SYT9: variants seen among roughly 807,000 people sequenced by gnomAD.
SYT9 encodes synaptotagmin-9.
In SYT9, 22 loss-of-function variants were observed where a neutral mutation model predicts 48.4. The observed-to-expected ratio is 0.45, with a 90% CI of 0.32 to 0.65. The LOEUF is 0.65. Ranked by LOEUF, SYT9 falls within the 30% of genes least tolerant of loss-of-function variation. SYT9 has a pLI of 0.03. For missense variants in SYT9, 577 were observed against 622.0 expected, an observed-to-expected ratio of 0.93 and a Z score of 0.77; for synonymous variants, 265 against 245.0, an observed-to-expected ratio of 1.08 and a Z score of -0.76.
intron 6 of SYT9, among the ~76,000 whole-genome samples, chr11:7,424,019 T>TG (rs1445670370): frequency 6.6e-6 from 1 of 152,082 alleles, no homozygotes; most frequent in Non-Finnish European, 1.5e-5. Flanking sequence ...AGAACGAAGA[T>TG]GGGGGCCCTG....
chr11:7,425,969 G>T (rs894140889), intron 6 of SYT9, among the ~76,000 whole-genome samples: 2 of 151,990 alleles, frequency 1.3e-5, no homozygotes, highest in African/African-American at 4.8e-5. Context: ...ATTAAAATAG[G>T]GCAAGAAAAC....
chr11:7,409,194 GTAT>G lies in SYT9; in HGVS notation c.1045-6847_1045-6845del, dbSNP rs1445694981. Among the ~76,000 whole-genome samples, 65 of 152,264 alleles carry G rather than the reference GTAT, an allele frequency of 4.3e-4. No homozygotes were observed. The East Asian group carries it at 9.4e-3, about 22-fold the overall frequency. On this transcript the variant is annotated intron_variant, in intron 3 of 6. Coordinates refer to ENST00000318881, the MANE Select transcript of SYT9 (RefSeq NM_175733.4). ...TTGTCCTTGATTTTGTTTATGTGAT[GTAT>G]CACATTTATTGATTTGCATATGTTG...
chr11:7,251,604 G>A (rs941912799), upstream of SYT9, among the ~76,000 whole-genome samples: 3 of 152,212 alleles, frequency 2.0e-5, no homozygotes, highest in African/African-American at 4.8e-5. Flanking sequence ...CTTCGCACTA[G>A]GCATCCAAGA....
intron 3 of SYT9, among the ~76,000 whole-genome samples, chr11:7,383,665 A>AT (rs55820439): frequency 0.3 from 45,274 of 151,860 alleles, 7,763 homozygotes; most frequent in East Asian, 0.61. Context: ...GCATAAAGAC[A>AT]TTTTCTCATT....
chr11:7,342,937 GC>G (rs1253478393), intron 3 of SYT9, among the ~76,000 whole-genome samples: 1 of 152,230 alleles, frequency 6.6e-6, no homozygotes, highest in Non-Finnish European at 1.5e-5. Context: ...TGTGGAAGTT[GC>G]CAAGGCTTGG....
At chr11:7,381,445 C>T (rs1850562788) in intron 3 of SYT9, among the ~76,000 whole-genome samples, 1 of 152,224 alleles carries the variant, frequency 6.6e-6, no homozygotes, top group African/African-American at 2.4e-5. Context: ...GTTTCCCTCT[C>T]TGCCAGTTAG....
At chr11:7,241,857 T>C (rs977150107) in intron 1 of SYT9, among the ~76,000 whole-genome samples, 5 of 152,198 alleles carry the variant, frequency 3.3e-5, no homozygotes, top group African/African-American at 1.2e-4. Context: ...AATAGGAGAC[T>C]GATGAGGAGA....
chr11:7,401,090 A>G (rs1846881718), intron 3 of SYT9, among the ~76,000 whole-genome samples: 1 of 152,056 alleles, frequency 6.6e-6, no homozygotes, highest in Non-Finnish European at 1.5e-5. Flanking sequence ...AATGATGGTG[A>G]TGCCAAACCA....
chr11:7,253,642 G>A (rs1847914212), intron 1 of SYT9, among the ~76,000 whole-genome samples: 1 of 152,036 alleles, frequency 6.6e-6, no homozygotes, highest in Non-Finnish European at 1.5e-5. Flanking sequence ...TATTAACTAA[G>A]TTTATTGAAT....
intron 1 of SYT9, among the ~76,000 whole-genome samples, chr11:7,276,651 C>T (rs553832486): frequency 1.3e-5 from 2 of 152,330 alleles, no homozygotes; most frequent in South Asian, 4.1e-4. Flanking sequence ...CCTTCCCCCT[C>T]CTGGTGGATT....
At chr11:7,440,908 G>A (rs1847818919) in intron 6 of SYT9, 1 of 152,154 alleles carries the variant, frequency 6.6e-6, no homozygotes, top group African/African-American at 2.4e-5. Context: ...CAATAAAATA[G>A]ACAACCCACA....
chr11:7,269,934 A>G (rs1848263701), intron 1 of SYT9, among the ~76,000 whole-genome samples: 1 of 152,214 alleles, frequency 6.6e-6, no homozygotes, highest in South Asian at 2.1e-4. Flanking sequence ...ATAAAAGACA[A>G]GGTTGACAGA....
At chr11:7,286,704 A>G (rs1848601164) in intron 1 of SYT9, among the ~76,000 whole-genome samples, 1 of 152,146 alleles carries the variant, frequency 6.6e-6, no homozygotes. Context: ...AGATACCCTA[A>G]ATTATCTCTT....
In SYT9 at chr11:7,384,810, A is replaced by G. The variant is rs546959253; in HGVS notation, c.1045-31232A>G. Among the ~76,000 whole-genome samples, 15 of 152,112 alleles carry G rather than the reference A, an allele frequency of 9.9e-5. No homozygotes were observed. In the South Asian group the frequency reaches 3.1e-3, roughly 32 times the overall value. On this transcript the variant is annotated intron_variant, in intron 3 of 6. Transcript: ENST00000318881. Reference sequence around the variant, plus strand: ...CCACCACAGCCTCTCTGACCTCATCATTTTCAATCTCTTTGTTTCTCACTA... The same window carrying G: ...CCACCACAGCCTCTCTGACCTCATCGTTTTCAATCTCTTTGTTTCTCACTA...
At chr11:7,276,004 T>G (rs973782427) in intron 1 of SYT9, among the ~76,000 whole-genome samples, 11 of 152,248 alleles carry the variant, frequency 7.2e-5, no homozygotes, top group Admixed American at 3.3e-4. Context: ...TCTATTTATC[T>G]GTCTTGTTCA....
intron 1 of SYT9, among the ~76,000 whole-genome samples, chr11:7,281,094 A>T (rs907689549): frequency 1.3e-5 from 2 of 152,246 alleles, no homozygotes; most frequent in African/African-American, 4.8e-5. Flanking sequence ...TTCTGAACTC[A>T]CAGATATGTG....
At chr11:7,393,088 A>T (rs958831604) in intron 3 of SYT9, among the ~76,000 whole-genome samples, 2 of 152,064 alleles carry the variant, frequency 1.3e-5, no homozygotes, top group Non-Finnish European at 2.9e-5. Context: ...GATGTCTTTT[A>T]TTTATTTCTC....
At chr11:7,434,341 T>C (rs1289406585) in intron 6 of SYT9, among the ~76,000 whole-genome samples, 1 of 152,188 alleles carries the variant, frequency 6.6e-6, no homozygotes. Context: ...GGAGGGATAG[T>C]GAGTGGGGCT....
intron 3 of SYT9, among the ~76,000 whole-genome samples, chr11:7,394,526 G>A (rs1452849504): frequency 1.3e-5 from 2 of 152,140 alleles, no homozygotes; most frequent in Admixed American, 6.5e-5. Context: ...AGATCCCTGA[G>A]GAATAGCCAC....
Sources: gnomAD v4.1 joint callset for allele counts (sites outside exome capture counted in the v4.1 genomes callset) on GRCh38, gnomAD v4.1.1 for gene constraint, MANE v1.5 for transcripts, NCBI Gene and HGNC (gene_info 2026-07-23, HGNC 2026-07-21) for gene names.